Variants in NAALADL2 observed in about 807,000 individuals in gnomAD.
The protein encoded by NAALADL2 is N-acetylated alpha-linked acidic dipeptidase like 2.
NAALADL2 carries 76 observed loss-of-function variants against 87.2 expected under a neutral mutation model. The observed-to-expected ratio is 0.87, with a 90% CI of 0.72 to 1.05. The LOEUF is 1.05. Among genes scored for constraint, NAALADL2 ranks in the 50% least tolerant of loss-of-function variants. NAALADL2 has a pLI of 0.00. For synonymous variants in NAALADL2, 354 were observed against 331.0 expected, an observed-to-expected ratio of 1.07 and a Z score of -0.75; for missense variants, 1,089 against 945.8, an observed-to-expected ratio of 1.15 and a Z score of -1.99.
At chr3:174,701,663 G>A (rs1288943599) in intron 2 of NAALADL2, among the ~76,000 whole-genome samples, 1 of 130,464 alleles carries the variant, frequency 7.7e-6, no homozygotes, top group South Asian at 2.7e-4. Flanking sequence ...CTATTGATTA[G>A]TTCTGTCACT....
At chr3:175,662,381 T>C (rs1435060276) in intron 11 of NAALADL2, among the ~76,000 whole-genome samples, 4 of 151,980 alleles carry the variant, frequency 2.6e-5, no homozygotes, top group Non-Finnish European at 4.4e-5. Flanking sequence ...GTTCTCAGAA[T>C]TCTTAATGGA....
intron 1 of NAALADL2, among the ~76,000 whole-genome samples, chr3:174,526,534 G>A (rs1328024404): frequency 1.9e-4 from 29 of 152,134 alleles, no homozygotes; most frequent in Admixed American, 1.9e-3. Context: ...ATTATTTGTG[G>A]TAAATGGATC....
intron 2 of NAALADL2, among the ~76,000 whole-genome samples, chr3:175,197,479 A>G (rs1054456379): frequency 6.6e-6 from 1 of 151,936 alleles, no homozygotes; most frequent in Non-Finnish European, 1.5e-5. Context: ...TTTTTCCAAT[A>G]TATTTATTGA....
intron 2 of NAALADL2, among the ~76,000 whole-genome samples, chr3:174,698,228 TTTAG>T (rs1384088641): frequency 6.3e-5 from 6 of 95,750 alleles, no homozygotes; most frequent in Non-Finnish European, 1.0e-4. Context: ...GGTAGGATTA[TTTAG>T]TTAATCTGTT....
At chr3:175,658,529 G>A (rs533551181) in intron 11 of NAALADL2, among the ~76,000 whole-genome samples, 1 of 152,052 alleles carries the variant, frequency 6.6e-6, no homozygotes, top group Admixed American at 6.6e-5. Context: ...TAGTTTAATG[G>A]GTAAAATATG....
At chr3:174,685,173 G>T (rs1296643871) in intron 2 of NAALADL2, among the ~76,000 whole-genome samples, 1 of 152,006 alleles carries the variant, frequency 6.6e-6, no homozygotes, top group Non-Finnish European at 1.5e-5. Flanking sequence ...ATCAATTGAC[G>T]TAAGTGCCTA....
At chr3:175,573,887 C>A (rs1718469959) in intron 9 of NAALADL2, among the ~76,000 whole-genome samples, 1 of 148,930 alleles carries the variant, frequency 6.7e-6, no homozygotes, top group Non-Finnish European at 1.5e-5. Context: ...TAAAAACATT[C>A]TTTTTCTATT....
At chr3:175,055,404 C>T (rs964961883) in intron 1 of NAALADL2, among the ~76,000 whole-genome samples, 1 of 152,194 alleles carries the variant, frequency 6.6e-6, no homozygotes, top group Non-Finnish European at 1.5e-5. Context: ...ATATCATTCC[C>T]TCTGGCAAGG....
At chr3:174,603,222 T>G (rs1718632512) in intron 2 of NAALADL2, among the ~76,000 whole-genome samples, 1 of 152,094 alleles carries the variant, frequency 6.6e-6, no homozygotes, top group Non-Finnish European at 1.5e-5. Flanking sequence ...AATTTAGCAG[T>G]GAAGCAATTG....
At chr3:174,909,493 G>A (rs1733405830) in intron 1 of NAALADL2, among the ~76,000 whole-genome samples, 1 of 152,094 alleles carries the variant, frequency 6.6e-6, no homozygotes, top group African/African-American at 2.4e-5. Flanking sequence ...GTAGATACTA[G>A]TAATGAGGAA....
intron 3 of NAALADL2, among the ~76,000 whole-genome samples, chr3:174,854,262 A>G (rs1188530167): frequency 6.6e-6 from 1 of 152,190 alleles, no homozygotes; most frequent in Non-Finnish European, 1.5e-5. Flanking sequence ...ATTATGTTAA[A>G]TGAAATAAGC....
At chr3:175,104,909 A>G (rs1352166695) in intron 2 of NAALADL2, among the ~76,000 whole-genome samples, 1 of 152,086 alleles carries the variant, frequency 6.6e-6, no homozygotes, top group Non-Finnish European at 1.5e-5. Flanking sequence ...CAACTCCTTA[A>G]CTCGGAGTTT....
At position 175,485,184 on chromosome 3, in the gene NAALADL2, G is replaced by A. The variant is rs546409392; in HGVS notation, c.1653+13426G>A. Among the ~76,000 whole-genome samples, 4 of 152,210 alleles carry A rather than the reference G, an allele frequency of 2.6e-5. No homozygotes were observed. The South Asian group carries it at 8.3e-4, about 32-fold the overall frequency. ...CTCATGTTGTTGCTATGTACTGAAT[G>A]TTTGTGTTTCCACAAAATTCAAATG... On this transcript the variant is annotated intron_variant, in intron 9 of 13. Transcript: ENST00000454872.
At chr3:175,679,962 C>T (rs561373575) in intron 11 of NAALADL2, among the ~76,000 whole-genome samples, 2 of 151,956 alleles carry the variant, frequency 1.3e-5, no homozygotes, top group African/African-American at 2.4e-5. Context: ...AAAAGGATGC[C>T]GTCACATATT....
intron 1 of NAALADL2, among the ~76,000 whole-genome samples, chr3:174,982,542 C>G (rs535322195): frequency 2.0e-4 from 31 of 152,242 alleles, no homozygotes; most frequent in Admixed American, 1.7e-3. Flanking sequence ...AAACATTTCT[C>G]CAAGTTTAAC....
intron 3 of NAALADL2, among the ~76,000 whole-genome samples, chr3:174,745,717 G>A (rs1289023646): frequency 1.3e-5 from 2 of 152,176 alleles, no homozygotes; most frequent in East Asian, 3.9e-4. Flanking sequence ...ACCGAATCCA[G>A]CAGTGCATCA....
chr3:175,100,771 G>A (rs140341424), intron 2 of NAALADL2, among the ~76,000 whole-genome samples: 1,933 of 150,896 alleles, frequency 0.013, 33 homozygotes, highest in African/African-American at 0.043. Flanking sequence ...CTCGGGAGGC[G>A]GAGGTTTCAG....
At chr3:175,344,517 G>T (rs1346037001) in intron 5 of NAALADL2, among the ~76,000 whole-genome samples, 1 of 151,566 alleles carries the variant, frequency 6.6e-6, no homozygotes, top group African/African-American at 2.4e-5. Context: ...CCTTTTATGG[G>T]TTAATTGGAA....
chr3:175,231,160 A>G (rs1392297895), intron 2 of NAALADL2, among the ~76,000 whole-genome samples: 1 of 152,058 alleles, frequency 6.6e-6, no homozygotes, highest in East Asian at 1.9e-4. Context: ...AGAGATATAC[A>G]TATATGTATA....
Sources: allele counts gnomAD v4.1 joint callset (sites outside exome capture counted in the v4.1 genomes callset), GRCh38; gene constraint gnomAD v4.1.1; transcripts MANE v1.5; gene names NCBI Gene and HGNC (gene_info 2026-07-23, HGNC 2026-07-21).